Variants in CAMK2D observed in about 807,000 individuals in gnomAD.
The protein encoded by CAMK2D is calcium/calmodulin-dependent protein kinase type II subunit delta.
In CAMK2D, 37 loss-of-function variants were observed where a neutral mutation model predicts 84.0. That is an observed-to-expected ratio of 0.44 (90% CI 0.34 to 0.58). The LOEUF is 0.58. CAMK2D is among the 20% of genes least tolerant of loss of function. The pLI is 0.02. For synonymous variants in CAMK2D, 202 were observed against 212.5 expected (o/e 0.95, Z 0.43); for missense variants, 448 against 652.5 (o/e 0.69, Z 3.41).
At chr4:113,748,347 A>C (rs1012501460) in intron 2 of CAMK2D, among the ~76,000 whole-genome samples, 1 of 152,006 alleles carries the variant, frequency 6.6e-6, no homozygotes, top group Admixed American at 6.6e-5. Flanking sequence ...TTAAAATTCA[A>C]TTTCTCGCTC....
chr4:113,623,600 T>G (rs1010476450), intron 3 of CAMK2D, among the ~76,000 whole-genome samples: 3 of 152,212 alleles, frequency 2.0e-5, no homozygotes, highest in African/African-American at 7.2e-5. Flanking sequence ...GTTACTGTAC[T>G]GAATAAGCAA....
At chr4:113,502,728 TA>T (rs1395262372) in intron 15 of CAMK2D, among the ~76,000 whole-genome samples, 1 of 152,198 alleles carries the variant, frequency 6.6e-6, no homozygotes, top group African/African-American at 2.4e-5. Flanking sequence ...TGACTCATGG[TA>T]ACATTAGTTT....
chr4:113,456,171 C>T (rs985557138), intron 19 of CAMK2D, among the ~76,000 whole-genome samples: 1 of 152,150 alleles, frequency 6.6e-6, no homozygotes, highest in African/African-American at 2.4e-5. Flanking sequence ...TAAGGCTATA[C>T]AGAAGGCCTC....
At chr4:113,754,839 A>G in intron 2 of CAMK2D, 4 of 984,524 alleles carry the variant, frequency 4.1e-6, no homozygotes, top group Non-Finnish European at 4.8e-6. Flanking sequence ...AGGATGACAC[A>G]TGCCACTTCT....
intron 4 of CAMK2D, among the ~76,000 whole-genome samples, chr4:113,597,334 T>C (rs2098931857): frequency 6.6e-6 from 1 of 152,226 alleles, no homozygotes; most frequent in Non-Finnish European, 1.5e-5. Flanking sequence ...CTTCATCACT[T>C]ATCTTAGCTA....
At chr4:113,676,848 C>A (rs1417251859) in intron 2 of CAMK2D, among the ~76,000 whole-genome samples, 1 of 152,204 alleles carries the variant, frequency 6.6e-6, no homozygotes, top group Non-Finnish European at 1.5e-5. Context: ...TTGTCCAATT[C>A]AATCTATAAC....
chr4:113,733,235 A>G (rs760727791), intron 2 of CAMK2D, among the ~76,000 whole-genome samples: 5 of 152,234 alleles, frequency 3.3e-5, no homozygotes, highest in Non-Finnish European at 5.9e-5. Flanking sequence ...AAATGATTTC[A>G]AAAGAAATCT....
In CAMK2D at chr4:113,729,723, A is replaced by T. The variant is rs991765313; in HGVS notation, c.160+29597T>A. The stretch of plus-strand genomic sequence containing the variant: ...TAATGCCCAATTTAACGGTGTGTAG[A>T]GTTGGGGCCTTTGGAAGGTGATTAG... On this transcript the variant is annotated intron_variant, in intron 2 of 20. Coordinates refer to ENST00000511664, the MANE Select transcript of CAMK2D (RefSeq NM_001321571.2). 3.3e-5 allele frequency among the ~76,000 whole-genome samples: 5 copies of T among 152,196 alleles called. No homozygotes were observed. In the East Asian group the frequency reaches 9.6e-4, roughly 29 times the overall value.
intron 3 of CAMK2D, among the ~76,000 whole-genome samples, chr4:113,636,749 T>A (rs2099111275): frequency 6.6e-6 from 1 of 152,174 alleles, no homozygotes; most frequent in Non-Finnish European, 1.5e-5. Flanking sequence ...GGAGGTCCCA[T>A]CTTCATGATC....
chr4:113,608,066 A>G (rs1185995567), intron 4 of CAMK2D, among the ~76,000 whole-genome samples: 1 of 152,234 alleles, frequency 6.6e-6, no homozygotes, highest in East Asian at 1.9e-4. Flanking sequence ...CTCCATGAAT[A>G]AAAACTTATG....
intron 3 of CAMK2D, among the ~76,000 whole-genome samples, chr4:113,616,656 C>T (rs977975906): frequency 1.3e-5 from 2 of 152,086 alleles, no homozygotes; most frequent in African/African-American, 4.8e-5. Context: ...CTACAAACAG[C>T]ATGAAAGAAC....
chr4:113,720,643 T>G (rs529898234), intron 2 of CAMK2D, among the ~76,000 whole-genome samples: 1 of 152,190 alleles, frequency 6.6e-6, no homozygotes, highest in Non-Finnish European at 1.5e-5. Flanking sequence ...TTTCAGCTGC[T>G]TATGAAAGGG....
chr4:113,694,861 G>A (rs1007727860), intron 2 of CAMK2D, among the ~76,000 whole-genome samples: 2 of 151,992 alleles, frequency 1.3e-5, no homozygotes, highest in African/African-American at 4.8e-5. Context: ...ATTTTTTGAG[G>A]CCAGAAACTT....
At chr4:113,457,191 C>A (rs2097313155) in intron 19 of CAMK2D, 144 bp downstream of exon 19, 6 of 1,447,694 alleles carry the variant, frequency 4.1e-6, no homozygotes, top group Non-Finnish European at 4.5e-6. Flanking sequence ...AATCATAAAC[C>A]TTTCCCGTGA....
intron 4 of CAMK2D, among the ~76,000 whole-genome samples, chr4:113,604,450 G>C (rs979993534): frequency 6.6e-6 from 1 of 151,774 alleles, no homozygotes; most frequent in African/African-American, 2.4e-5. Context: ...ATGCTTTATT[G>C]GATTGTGTTT....
chr4:113,524,546 G>T (rs1383864550), intron 8 of CAMK2D, among the ~76,000 whole-genome samples: 1 of 152,152 alleles, frequency 6.6e-6, no homozygotes, highest in Non-Finnish European at 1.5e-5. Flanking sequence ...ATCTGTCAAT[G>T]GACATTTGGG....
Position 113,653,447 on chromosome 4 carries a change from A to G in CAMK2D, c.220+8266T>C, listed in dbSNP as rs540607726. 8.5e-5 allele frequency among the ~76,000 whole-genome samples: 13 copies of G among 152,220 alleles called. No homozygotes were observed. The South Asian group carries it at 2.7e-3, about 32-fold the overall frequency. On this transcript the variant is annotated intron_variant, in intron 3 of 20. Coordinates refer to ENST00000511664, the MANE Select transcript of CAMK2D (RefSeq NM_001321571.2). ...TTTTAATCTGTTAGAGAGTCACTAG[A>G]GAAAGTAGTTAACAAGAAAAATTAC...
chr4:113,689,076 C>G (rs901561371), intron 2 of CAMK2D, among the ~76,000 whole-genome samples: 1 of 151,874 alleles, frequency 6.6e-6, no homozygotes, highest in African/African-American at 2.4e-5. Context: ...AACCCCATCT[C>G]TACTAAAAAA....
intron 16 of CAMK2D, among the ~76,000 whole-genome samples, chr4:113,486,488 G>A (rs912845998): frequency 6.6e-6 from 1 of 152,022 alleles, no homozygotes; most frequent in Admixed American, 6.6e-5. Context: ...TTAATATATT[G>A]CAGAACTTTG....
Sources: allele counts gnomAD v4.1 joint callset (sites outside exome capture counted in the v4.1 genomes callset), GRCh38; gene constraint gnomAD v4.1.1; transcripts MANE v1.5; gene names NCBI Gene and HGNC (gene_info 2026-07-23, HGNC 2026-07-21).